Variants in NFIB observed in about 807,000 individuals in gnomAD.
NFIB encodes nuclear factor I B.
In NFIB, 11 loss-of-function variants were observed where a neutral mutation model predicts 61.5. The observed-to-expected ratio is 0.18, with a 90% CI of 0.11 to 0.30. NFIB has a LOEUF of 0.30. Among genes scored for constraint, NFIB ranks in the 10% least tolerant of loss-of-function variants. The pLI is 1.00. For synonymous variants in NFIB, 260 were observed against 216.5 expected, an observed-to-expected ratio of 1.20 and a Z score of -1.76; for missense variants, 471 against 608.9, an observed-to-expected ratio of 0.77 and a Z score of 2.38.
chr9:14,178,922 T>TG (rs1367016486), intron 3 of NFIB, among the ~76,000 whole-genome samples: 4 of 151,992 alleles, frequency 2.6e-5, no homozygotes, highest in Non-Finnish European at 5.9e-5. Context: ...TTTGGGGAGG[T>TG]GGGGGGCATG....
chr9:14,157,773 T>C (rs1021455163), intron 3 of NFIB, among the ~76,000 whole-genome samples: 2 of 152,162 alleles, frequency 1.3e-5, no homozygotes, highest in Non-Finnish European at 2.9e-5. Context: ...AGAAAGATTT[T>C]TGTTGCTTTT....
At chr9:14,293,359 G>T (rs72700515) in intron 2 of NFIB, among the ~76,000 whole-genome samples, 2,648 of 152,244 alleles carry the variant, frequency 0.017, 36 homozygotes, top group Non-Finnish European at 0.025. Context: ...ATATATGCAC[G>T]CAATCTGTCC....
intron 1 of NFIB, among the ~76,000 whole-genome samples, chr9:14,380,999 G>A (rs542132951): frequency 4.7e-5 from 7 of 147,682 alleles, no homozygotes; most frequent in East Asian, 2.1e-4. Context: ...TTCCTGTTCC[G>A]GGAGGCAAAT....
At chr9:14,332,162 G>A (rs1259734728) in intron 1 of NFIB, among the ~76,000 whole-genome samples, 3 of 151,798 alleles carry the variant, frequency 2.0e-5, no homozygotes, top group Non-Finnish European at 4.4e-5. Flanking sequence ...GTGAAACCCC[G>A]TCTCTACTAA....
In NFIB at chr9:14,100,004, C is replaced by G. The variant is rs191425639; in HGVS notation, c.1468-11678G>C. On this transcript the variant is annotated intron_variant, in intron 10 of 10. Coordinates refer to ENST00000380953, the MANE Select transcript of NFIB (RefSeq NM_001190737.2). ...TTAAGAATCACTTGAACCTGGGAAG[C>G]GGAGGTTGCAGTGAGACAAGATCGT... Among the ~76,000 whole-genome samples the G allele has an allele frequency of 1.1e-3, 168 of 152,078 alleles. 2 individuals are homozygous for G. Among genetic ancestry groups the G allele is most frequent in the African/African-American group, 3.8e-3 (158 of 41,494 alleles).
chr9:14,355,720 G>T (rs1486410593), intron 1 of NFIB, among the ~76,000 whole-genome samples: 23 of 152,170 alleles, frequency 1.5e-4, no homozygotes, highest in Admixed American at 1.5e-3. Context: ...ACTCTGGGAG[G>T]CCGAGGCAGG....
chr9:14,201,469 T>C (rs1264754087), intron 2 of NFIB, among the ~76,000 whole-genome samples: 2 of 152,180 alleles, frequency 1.3e-5, no homozygotes, highest in African/African-American at 2.4e-5. Context: ...GGAATATCCC[T>C]TATTTGATGC....
At chr9:14,411,870 C>T in the NFIB span, among the ~76,000 whole-genome samples, 1 of 152,166 alleles carries the variant, frequency 6.6e-6, no homozygotes, top group Admixed American at 6.5e-5. Context: ...TCTGTCTGCT[C>T]CCTCTCTCTA....
intron 2 of NFIB, among the ~76,000 whole-genome samples, chr9:14,235,963 T>C (rs1300526581): frequency 6.6e-6 from 1 of 152,184 alleles, no homozygotes; most frequent in Admixed American, 6.5e-5. Context: ...ATGCCTGATA[T>C]TGCATTATTT....
the NFIB span, among the ~76,000 whole-genome samples, chr9:14,433,938 C>G: frequency 6.6e-6 from 1 of 152,202 alleles, no homozygotes; most frequent in African/African-American, 2.4e-5. Context: ...CTTCTCCCCT[C>G]CTGCCGTGAC....
intron 1 of NFIB, among the ~76,000 whole-genome samples, chr9:14,381,955 C>G (rs895644671): frequency 8.6e-5 from 13 of 151,886 alleles, no homozygotes; most frequent in Admixed American, 1.3e-4. Context: ...TTGCATAAAG[C>G]ACCAGCCTTT....
chr9:14,450,738 CTTTTA>C, the NFIB span, among the ~76,000 whole-genome samples: 14,143 of 152,112 alleles, frequency 0.093, 827 homozygotes, highest in South Asian at 0.18. Flanking sequence ...ATTTTCTTTT[CTTTTA>C]TAAGTGGCAA....
chr9:14,477,127 A>G, the NFIB span, among the ~76,000 whole-genome samples: 22 of 152,340 alleles, frequency 1.4e-4, no homozygotes, highest in South Asian at 4.3e-3. Context: ...TCTAGCTGCA[A>G]CCAGTTCCCC....
intron 1 of NFIB, among the ~76,000 whole-genome samples, chr9:14,312,427 C>T (rs1313889459): frequency 6.6e-6 from 1 of 152,162 alleles, no homozygotes; most frequent in African/African-American, 2.4e-5. Flanking sequence ...CCAATGGTGA[C>T]ACATCTTCCG....
the NFIB span, among the ~76,000 whole-genome samples, chr9:14,481,503 C>T: frequency 9.2e-5 from 14 of 151,842 alleles, no homozygotes; most frequent in East Asian, 7.8e-4. Context: ...CACACTCTCT[C>T]GATGAAAATT....
At chr9:14,453,265 T>C in the NFIB span, among the ~76,000 whole-genome samples, 1 of 152,244 alleles carries the variant, frequency 6.6e-6, no homozygotes, top group African/African-American at 2.4e-5. Context: ...TTGGCAGGTT[T>C]CTCATTCTGT....
the NFIB span, among the ~76,000 whole-genome samples, chr9:14,448,807 G>A: frequency 0.83 from 126,815 of 152,126 alleles, 52,998 homozygotes; most frequent in East Asian, 0.94. Context: ...AATACTCGAC[G>A]TTAAGATTTT....
chr9:14,284,380 T>C (rs1000232114), intron 2 of NFIB, among the ~76,000 whole-genome samples: 5 of 152,276 alleles, frequency 3.3e-5, no homozygotes, highest in African/African-American at 1.2e-4. Flanking sequence ...CTAAGATTCA[T>C]AGCCTTATCT....
At position 14,081,945 on chromosome 9, in the gene NFIB, T is replaced by C. The variant is rs1310125643; in HGVS notation, c.*6364A>G. The C allele has an allele frequency of 4.9e-6, 1 of 203,560 alleles. No homozygotes were observed. Among genetic ancestry groups the C allele is most frequent in the African/African-American group, 2.3e-5 (1 of 43,706 alleles). 12.6% of individuals were successfully genotyped at this position (203,560 alleles called of 1,614,324 possible). On this transcript the variant is annotated 3_prime_UTR_variant, in exon 11 of 11. Transcript: ENST00000380953. ...GCAGTATGAGCAGCTGCTAGCAGTA[T>C]AGGCTGGATATAACAGTAACAATCA...
Sources: gnomAD v4.1 joint callset for allele counts (sites outside exome capture counted in the v4.1 genomes callset) on GRCh38, gnomAD v4.1.1 for gene constraint, MANE v1.5 for transcripts, NCBI Gene and HGNC (gene_info 2026-07-23, HGNC 2026-07-21) for gene names.